The following RTN1 variants were observed in gnomAD, a reference collection of about 807,000 sequenced individuals.
The protein encoded by RTN1 is reticulon 1, also known as reticulon-1.
RTN1 carries 25 observed loss-of-function variants against 65.5 expected under a neutral mutation model. That is an observed-to-expected ratio of 0.38 (90% CI 0.28 to 0.53). The LOEUF (loss-of-function observed/expected upper bound fraction) is 0.53. RTN1 is among the 20% of genes least tolerant of loss of function. RTN1 has a pLI of 0.79. For synonymous variants in RTN1, 471 were observed against 447.6 expected (o/e 1.05, Z -0.66); for missense variants, 983 against 1,025.4 (o/e 0.96, Z 0.57).
intron 3 of RTN1, among the ~76,000 whole-genome samples, chr14:59,723,987 T>C (rs1884703765): frequency 6.6e-6 from 1 of 152,184 alleles, no homozygotes; most frequent in African/African-American, 2.4e-5. Flanking sequence ...TCACACTGGG[T>C]ATTAGTGCTT....
chr14:59,700,457 A>G (rs1269871913), intron 3 of RTN1, among the ~76,000 whole-genome samples: 1 of 152,192 alleles, frequency 6.6e-6, no homozygotes, highest in Admixed American at 6.5e-5. Flanking sequence ...GAGGACTTGC[A>G]CTTCCAGATT....
intron 3 of RTN1, chr14:59,630,757 C>G: frequency 9.3e-7 from 1 of 1,080,142 alleles, no homozygotes; most frequent in Non-Finnish European, 1.1e-6. Context: ...CCGCTCCACG[C>G]GACAGCGTTG....
intron 1 of RTN1, among the ~76,000 whole-genome samples, chr14:59,793,457 G>C (rs1721966575): frequency 6.6e-6 from 1 of 151,908 alleles, no homozygotes; most frequent in Non-Finnish European, 1.5e-5. Context: ...CCATTCCAAA[G>C]TAAAATCAAA....
At chr14:59,658,634 A>AG (rs576622582) in intron 3 of RTN1, among the ~76,000 whole-genome samples, 2 of 152,232 alleles carry the variant, frequency 1.3e-5, no homozygotes, top group Non-Finnish European at 2.9e-5. Flanking sequence ...GCAGACTTGC[A>AG]GCAGAGGGGC....
intron 2 of RTN1, among the ~76,000 whole-genome samples, chr14:59,741,376 GC>G (rs1885113920): frequency 6.6e-6 from 1 of 152,078 alleles, no homozygotes; most frequent in Non-Finnish European, 1.5e-5. Flanking sequence ...CTTACACTTT[GC>G]CTTGCTGTAT....
chr14:59,734,718 T>G (rs184065693), intron 2 of RTN1, among the ~76,000 whole-genome samples: 1 of 152,178 alleles, frequency 6.6e-6, no homozygotes, highest in African/African-American at 2.4e-5. Flanking sequence ...ACAAAACCTC[T>G]GAGAAATATA....
At chr14:59,843,593 C>A (rs149856530) in intron 1 of RTN1, among the ~76,000 whole-genome samples, 1 of 152,090 alleles carries the variant, frequency 6.6e-6, no homozygotes, top group African/African-American at 2.4e-5. Context: ...CTGCTAAGCA[C>A]GTGTAACTGC....
Position 59,849,435 on chromosome 14 carries a change from T to C in RTN1, c.241+20955A>G, listed in dbSNP as rs1241765831. ...CATTTGCAAATCTCCAGGCTAGTCA[T>C]GCATAAGAGAAAAAGTATATAAATA... On this transcript the variant is annotated intron_variant, in intron 1 of 8. Transcript: ENST00000267484. This position sits in a 1 kb window ranked among gnomAD's most constrained non-coding sequence, Gnocchi z 4.5. 6.6e-6 allele frequency among the ~76,000 whole-genome samples: 1 copy of C among 152,214 alleles called. No individual in the cohort carries two copies. The highest frequency in any genetic ancestry group is 2.4e-5 in the African/African-American group (1 of 41,448).
At chr14:59,765,010 T>C (rs1426194857) in intron 1 of RTN1, among the ~76,000 whole-genome samples, 2 of 152,214 alleles carry the variant, frequency 1.3e-5, no homozygotes, top group Non-Finnish European at 1.5e-5. Flanking sequence ...GAAGTGATCA[T>C]TGAAGTCCAG....
At chr14:59,640,835 CTATT>C (rs1882764260) in intron 3 of RTN1, among the ~76,000 whole-genome samples, 1 of 151,602 alleles carries the variant, frequency 6.6e-6, no homozygotes, top group Non-Finnish European at 1.5e-5. Flanking sequence ...TTCTTTTTAT[CTATT>C]GTATATCTGC....
At chr14:59,596,815 A>T (rs1881416117) in intron 8 of RTN1, 28 bp from the exon 9 acceptor site, 1 of 1,580,374 alleles carries the variant, frequency 6.3e-7, no homozygotes, top group African/African-American at 1.3e-5. Flanking sequence ...AAAGGTAGTA[A>T]ATCACAAGTG....
At chr14:59,627,411 T>C (rs1218923855) in intron 3 of RTN1, among the ~76,000 whole-genome samples, 4 of 152,146 alleles carry the variant, frequency 2.6e-5, no homozygotes, top group African/African-American at 9.7e-5. Flanking sequence ...AGGACAATAA[T>C]AAAACTTACA....
intron 1 of RTN1, among the ~76,000 whole-genome samples, chr14:59,799,571 G>A (rs1172287498): frequency 6.6e-6 from 1 of 152,172 alleles, no homozygotes; most frequent in Admixed American, 6.5e-5. Context: ...TTTAAATGTG[G>A]GCTAATGCAT....
chr14:59,780,879 A>C (rs1594740368), intron 1 of RTN1, among the ~76,000 whole-genome samples: 1 of 152,198 alleles, frequency 6.6e-6, no homozygotes. Context: ...ATATGATCTT[A>C]GAAGTGGAGA....
chr14:59,614,109 G>C (rs1241809858), intron 3 of RTN1, among the ~76,000 whole-genome samples: 1 of 152,194 alleles, frequency 6.6e-6, no homozygotes, highest in Non-Finnish European at 1.5e-5. Context: ...TCCCAGGAGA[G>C]ATGGGCTGAT....
chr14:59,719,774 ACC>A (rs1443435332), intron 3 of RTN1, among the ~76,000 whole-genome samples: 3 of 152,170 alleles, frequency 2.0e-5, no homozygotes, highest in Non-Finnish European at 4.4e-5. Flanking sequence ...AATCTCCTTG[ACC>A]TCATGTTGCC....
At position 59,833,343 on chromosome 14, in the gene RTN1, C is replaced by T. The variant is rs1052252712; in HGVS notation, c.241+37047G>A. Reference sequence around the variant, plus strand: ...TGGGACATTTATATCCAAATGAATTCCTATGGGCGATATAAGTCTAAGAGG... The same window carrying T: ...TGGGACATTTATATCCAAATGAATTTCTATGGGCGATATAAGTCTAAGAGG... On this transcript the variant is annotated intron_variant, in intron 1 of 8. Transcript: ENST00000267484. 4.6e-5 allele frequency among the ~76,000 whole-genome samples: 7 copies of T among 152,028 alleles called. No homozygotes were observed. The South Asian group carries it at 8.3e-4, about 18-fold the overall frequency.
intron 1 of RTN1, among the ~76,000 whole-genome samples, chr14:59,869,354 C>T (rs1294714543): frequency 6.6e-6 from 1 of 151,886 alleles, no homozygotes; most frequent in African/African-American, 2.4e-5. Flanking sequence ...AACTACACAA[C>T]TCCCACTCCA....
At chr14:59,620,086 CAA>C (rs776600637) in intron 3 of RTN1, among the ~76,000 whole-genome samples, 1 of 151,726 alleles carries the variant, frequency 6.6e-6, no homozygotes, top group African/African-American at 2.4e-5. Context: ...CTTGATGAAG[CAA>C]AGTCTCCACT....
Sources: gnomAD v4.1 joint callset for allele counts (sites outside exome capture counted in the v4.1 genomes callset) on GRCh38, gnomAD v4.1.1 for gene constraint, Gnocchi (gnomAD v3.1) non-coding constraint, MANE v1.5 for transcripts, NCBI Gene and HGNC (gene_info 2026-07-23, HGNC 2026-07-21) for gene names.